EPHB2: variants seen among roughly 807,000 people sequenced by gnomAD.
EPHB2 encodes the protein ephrin type-B receptor 2.
In EPHB2, 18 loss-of-function variants were observed where a neutral mutation model predicts 96.4. The ratio of observed to expected loss-of-function variants is 0.19; its 90% CI spans 0.13 to 0.28. EPHB2 has a LOEUF of 0.28. EPHB2 is among the 10% of genes least tolerant of loss of function. The probability of loss-of-function intolerance (pLI) is 1.00; values close to 1 mark genes in which losing one functional copy is unlikely to be tolerated. For synonymous variants in EPHB2, 506 were observed against 534.1 expected, an observed-to-expected ratio of 0.95 and a Z score of 0.72; for missense variants, 989 against 1,355.4, an observed-to-expected ratio of 0.73 and a Z score of 4.25.
chr1:22,901,818 T>TGA (rs1316183361), intron 9 of EPHB2, among the ~76,000 whole-genome samples: 2 of 135,184 alleles, frequency 1.5e-5, no homozygotes, highest in African/African-American at 2.9e-5. Flanking sequence ...TGTGTGTGTG[T>TGA]GAGTGTGTGT....
intron 1 of EPHB2, among the ~76,000 whole-genome samples, chr1:22,755,144 T>G (rs1644129693): frequency 6.6e-6 from 1 of 151,968 alleles, no homozygotes; most frequent in Non-Finnish European, 1.5e-5. Context: ...TGAAGAGAAT[T>G]GAAAAAGGGA....
At position 22,779,209 on chromosome 1, in the gene EPHB2, CT is replaced by C. The variant is rs531532433; in HGVS notation, c.62-2206del. On this transcript the variant is annotated intron_variant, in intron 1 of 15. Transcript: ENST00000374630. Reference sequence around the variant, plus strand: ...AGCATTCGGAGTGTGAAAAGGAACCCTTTTTTCAGCTCCAAAGCTGCATAAT... The same window carrying C: ...AGCATTCGGAGTGTGAAAAGGAACCCTTTTTCAGCTCCAAAGCTGCATAAT... 3.7e-4 allele frequency among the ~76,000 whole-genome samples: 57 copies of C among 152,294 alleles called. 1 individual carries two copies. The South Asian group carries it at 0.012, about 31-fold the overall frequency.
chr1:22,854,419 G>A (rs1157692047), intron 3 of EPHB2, among the ~76,000 whole-genome samples: 3 of 152,180 alleles, frequency 2.0e-5, no homozygotes, highest in Non-Finnish European at 4.4e-5. Flanking sequence ...GGCTGAAGTG[G>A]GAGGATCACA....
chr1:22,714,700 G>A (rs910940959), intron 1 of EPHB2, among the ~76,000 whole-genome samples: 1 of 152,190 alleles, frequency 6.6e-6, no homozygotes, highest in Non-Finnish European at 1.5e-5. Flanking sequence ...TGCAATGTGT[G>A]GTGACGTTCA....
At chr1:22,720,848 T>C (rs548757685) in intron 1 of EPHB2, among the ~76,000 whole-genome samples, 1 of 152,298 alleles carries the variant, frequency 6.6e-6, no homozygotes, top group African/African-American at 2.4e-5. Flanking sequence ...GAGTTGTAGA[T>C]ATTCAAGACC....
chr1:22,821,174 A>T (rs1409639108), intron 3 of EPHB2, among the ~76,000 whole-genome samples: 1 of 152,188 alleles, frequency 6.6e-6, no homozygotes, highest in Non-Finnish European at 1.5e-5. Context: ...ATAGACACGC[A>T]TGCTTCTTTT....
At chr1:22,727,729 T>C (rs1643612655) in intron 1 of EPHB2, among the ~76,000 whole-genome samples, 1 of 151,548 alleles carries the variant, frequency 6.6e-6, no homozygotes, top group African/African-American at 2.4e-5. Context: ...CTTGAACATA[T>C]TTTCTTTTCT....
intron 3 of EPHB2, among the ~76,000 whole-genome samples, chr1:22,842,795 T>C (rs1016456155): frequency 2.0e-5 from 3 of 151,988 alleles, no homozygotes; most frequent in African/African-American, 7.3e-5. Flanking sequence ...CTTTGTACAT[T>C]CTGTTCCCTC....
At chr1:22,791,194 T>C (rs550688752) in intron 3 of EPHB2, among the ~76,000 whole-genome samples, 1 of 152,230 alleles carries the variant, frequency 6.6e-6, no homozygotes, top group African/African-American at 2.4e-5. Context: ...TTTTTTTTCC[T>C]GGTGAGCTTT....
chr1:22,830,056 G>C (rs1244921266), intron 3 of EPHB2, among the ~76,000 whole-genome samples: 2 of 152,214 alleles, frequency 1.3e-5, no homozygotes, highest in African/African-American at 4.8e-5. Flanking sequence ...AGTTTGACTG[G>C]TGGGAAGGGG....
chr1:22,802,879 A>G (rs2817879), intron 3 of EPHB2, among the ~76,000 whole-genome samples: 151,637 of 152,288 alleles, frequency 1, 75,499 homozygotes, highest in Middle Eastern at 1. Flanking sequence ...GGGATCTGCC[A>G]TGGCCTCTGC....
intron 6 of EPHB2, among the ~76,000 whole-genome samples, chr1:22,889,891 C>G (rs144165934): frequency 3.3e-5 from 5 of 152,300 alleles, no homozygotes; most frequent in Non-Finnish European, 5.9e-5. Context: ...ACGGGGCGTA[C>G]TTATACCAAA....
chr1:22,774,064 C>T (rs1422690765), intron 1 of EPHB2, among the ~76,000 whole-genome samples: 2 of 152,210 alleles, frequency 1.3e-5, no homozygotes. Context: ...CAGCCTTCCC[C>T]GATGTCTTAC....
chr1:22,801,066 C>T (rs1644836360), intron 3 of EPHB2, among the ~76,000 whole-genome samples: 1 of 152,222 alleles, frequency 6.6e-6, no homozygotes, highest in South Asian at 2.1e-4. Context: ...GTACAGGGGG[C>T]AGGCTCCCTG....
intron 3 of EPHB2, among the ~76,000 whole-genome samples, chr1:22,815,260 T>TG: frequency 6.6e-6 from 1 of 150,506 alleles, no homozygotes; most frequent in Non-Finnish European, 1.5e-5. Flanking sequence ...AGATGGAAGG[T>TG]GGGGGGTGGT....
At chr1:22,735,311 T>C (rs568353357) in intron 1 of EPHB2, among the ~76,000 whole-genome samples, 1 of 151,796 alleles carries the variant, frequency 6.6e-6, no homozygotes, top group South Asian at 2.1e-4. Flanking sequence ...TGGTGGCATG[T>C]GCCTATAGTC....
At chr1:22,853,615 T>C (rs1187715643) in intron 3 of EPHB2, among the ~76,000 whole-genome samples, 1 of 152,150 alleles carries the variant, frequency 6.6e-6, no homozygotes, top group African/African-American at 2.4e-5. Flanking sequence ...AAGAAGGAGC[T>C]GGGTGGGAGC....
chr1:22,748,927 GA>G (rs1644018615), intron 1 of EPHB2, among the ~76,000 whole-genome samples: 1 of 150,500 alleles, frequency 6.6e-6, no homozygotes, highest in South Asian at 2.1e-4. Context: ...CGCATTTTAT[GA>G]AAACCAACAA....
intron 3 of EPHB2, among the ~76,000 whole-genome samples, chr1:22,849,142 G>T (rs1645586324): frequency 6.6e-6 from 1 of 152,142 alleles, no homozygotes; most frequent in South Asian, 2.1e-4. Flanking sequence ...TCCCACTGCT[G>T]CTGCACTGAT....
Sources: gnomAD v4.1 joint callset for allele counts (sites outside exome capture counted in the v4.1 genomes callset) on GRCh38, gnomAD v4.1.1 for gene constraint, MANE v1.5 for transcripts, NCBI Gene and HGNC (gene_info 2026-07-23, HGNC 2026-07-21) for gene names.